RBM7: variants seen among roughly 807,000 people sequenced by gnomAD.
The protein encoded by RBM7 is RNA binding motif protein 7.
Under a neutral mutation model 31.0 loss-of-function variants are expected in RBM7, and 13 were observed. That is an observed-to-expected ratio of 0.42 (90% CI 0.27 to 0.67). The LOEUF (loss-of-function observed/expected upper bound fraction) is 0.67, where lower values mean the gene tolerates loss of function less well. Ranked by LOEUF, RBM7 falls within the 30% of genes least tolerant of loss-of-function variation. The pLI is 0.24. For synonymous variants in RBM7, 106 were observed against 111.2 expected, an observed-to-expected ratio of 0.95 and a Z score of 0.30; for missense variants, 245 against 326.2, an observed-to-expected ratio of 0.75 and a Z score of 1.92.
At chr11:114,403,654 T>A (rs750801925) in intron 3 of RBM7, among the ~76,000 whole-genome samples, 15 of 152,210 alleles carry the variant, frequency 9.9e-5, no homozygotes, top group Admixed American at 2.0e-4. Context: ...TCACCATATC[T>A]TTTACATATA....
chr11:114,404,233 G>T (rs1946237277), intron 3 of RBM7, among the ~76,000 whole-genome samples: 1 of 152,150 alleles, frequency 6.6e-6, no homozygotes, highest in Admixed American at 6.5e-5. Flanking sequence ...GAGCAGTGAG[G>T]AAGCTTTTGG....
rs1555025776 is a variant in RBM7, at chr11:114,405,839, A to G, written c.441+40A>G. 4 of 1,352,030 alleles carry G rather than the reference A, an allele frequency of 3.0e-6. No homozygotes were observed. The Admixed American group carries it at 8.6e-5, about 29-fold the overall frequency. The allele number at this position is 1,352,030 out of a possible 1,614,324, so 83.8% of individuals were successfully genotyped here. A position where few individuals can be genotyped will look rare whatever the true frequency, so the allele number is the denominator to read the frequency against. Reference sequence around the variant, plus strand: ...TTTCAACTTGAATTGCCAAAAAAAAATCATCCTTAGTTAAAATGTTCGCAT... The same window carrying G: ...TTTCAACTTGAATTGCCAAAAAAAAGTCATCCTTAGTTAAAATGTTCGCAT... On this transcript the variant is annotated intron_variant, in intron 4 of 4. Transcript: ENST00000375490.
Position 114,402,866 on chromosome 11 carries a change from C to A in RBM7, c.298C>A (p.Pro100Thr). Residue 100 changes from proline to threonine, a missense_variant, in exon 3 of 5, where the codon CCC (proline) becomes ACC (threonine). Pro to Thr is a conservative substitution (Grantham distance 38, BLOSUM62 -1). Transcript: ENST00000375490. ...HAPQDVSLSYPQHHVGNSSPT... is the reference protein window; with the variant it reads ...HAPQDVSLSYTQHHVGNSSPT... Reference sequence around the variant, plus strand: ...CCCACAAGATGTCAGTTTGTCATATCCCCAACATCATGTTGGAAATTCAAG... The same window carrying A: ...CCCACAAGATGTCAGTTTGTCATATACCCAACATCATGTTGGAAATTCAAG... 1 of 1,613,264 alleles carries A rather than the reference C, an allele frequency of 6.2e-7. No homozygotes were observed. The highest frequency in any genetic ancestry group is 8.5e-7 in the Non-Finnish European group (1 of 1,179,326).
intron 1 of RBM7, among the ~76,000 whole-genome samples, 192 bp downstream of exon 1, chr11:114,400,959 GAAA>G (rs1946191671): frequency 6.6e-6 from 1 of 152,112 alleles, no homozygotes; most frequent in Non-Finnish European, 1.5e-5. Flanking sequence ...CGTTTAGGCC[GAAA>G]GTGACGACTA....
chr11:114,405,655 A>G (rs1946256847), intron 3 of RBM7, 51 bp from the exon 4 acceptor site: 1 of 1,287,258 alleles, frequency 7.8e-7, no homozygotes, highest in African/African-American at 1.5e-5. Context: ...CATGGTTGTT[A>G]GTTAGTAAAT....
At chr11:114,401,556 A>C (rs1248108958) in intron 1 of RBM7, 142 bp from the exon 2 acceptor site, 9 of 707,440 alleles carry the variant, frequency 1.3e-5, no homozygotes, top group Non-Finnish European at 2.0e-5. Flanking sequence ...CTGTAGCCAA[A>C]ATGGAAATCC....
At position 114,409,648 on chromosome 11, in the gene RBM7, T is replaced by G. The variant is rs1946313273; in HGVS notation, c.*1841T>G. 1 of 152,234 alleles carries G rather than the reference T, an allele frequency of 6.6e-6. No homozygotes were observed. The highest frequency in any genetic ancestry group is 2.4e-5 in the African/African-American group (1 of 41,422). 9.4% of individuals were successfully genotyped at this position (152,234 alleles called of 1,614,324 possible). A position where few individuals can be genotyped will look rare whatever the true frequency, so the allele number is the denominator to read the frequency against. On this transcript the variant is annotated 3_prime_UTR_variant, in exon 5 of 5. Coordinates refer to ENST00000375490, the MANE Select transcript of RBM7 (RefSeq NM_001286045.2). ...CCTACCGAGGTGCTGGAATTACAGG[T>G]GTGAGCCACCGCGCCTGGCCTAATA...
At chr11:114,405,981 C>T in intron 4 of RBM7, 182 bp downstream of exon 4, 1 of 519,862 alleles carries the variant, frequency 1.9e-6, no homozygotes, top group Non-Finnish European at 3.4e-6. Context: ...GTTAGACTAG[C>T]ATGATTTGTA....
chr11:114,401,024 T>A (rs979425803), intron 1 of RBM7, among the ~76,000 whole-genome samples: 3 of 152,110 alleles, frequency 2.0e-5, no homozygotes, highest in East Asian at 1.9e-4. Flanking sequence ...GATCCAGGGG[T>A]CCTTGGGAAC....
chr11:114,409,630 A>T lies in RBM7; in HGVS notation c.*1823A>T, dbSNP rs1231278475. 3 of 152,234 alleles carry T rather than the reference A, an allele frequency of 2.0e-5. No homozygotes were observed. The highest frequency in any genetic ancestry group is 4.4e-5 in the Non-Finnish European group (3 of 68,138). 9.4% of individuals were successfully genotyped at this position (152,234 alleles called of 1,614,324 possible). A position where few individuals can be genotyped will look rare whatever the true frequency, so the allele number is the denominator to read the frequency against. On this transcript the variant is annotated 3_prime_UTR_variant, in exon 5 of 5. Coordinates refer to ENST00000375490, the MANE Select transcript of RBM7 (RefSeq NM_001286045.2). Reference sequence around the variant, plus strand: ...GTGATCCACCTACCTTGGCCTACCGAGGTGCTGGAATTACAGGTGTGAGCC... The same window carrying T: ...GTGATCCACCTACCTTGGCCTACCGTGGTGCTGGAATTACAGGTGTGAGCC...
Position 114,400,732 on chromosome 11 carries a change from G to C in RBM7, c.61G>C (p.Val21Leu). The C allele has an allele frequency of 1.2e-6, 2 of 1,614,250 alleles. No individual in the cohort carries two copies. The highest frequency in any genetic ancestry group is 1.7e-6 in the Non-Finnish European group (2 of 1,180,046). The change falls in exon 1 of 5, where the codon GTG (valine) becomes CTG (leucine). Residue 21 changes from valine (V) to leucine (L), a missense_variant. Coordinates refer to ENST00000375490, the MANE Select transcript of RBM7 (RefSeq NM_001286045.2). Reference sequence around the variant, plus strand: ...CTTTGTGGGCAACCTTGAAACGAAAGTGACCGAGGAGCTCCTTTTCGAGCT... The same window carrying C: ...CTTTGTGGGCAACCTTGAAACGAAACTGACCGAGGAGCTCCTTTTCGAGCT... The part of the protein sequence containing the change: ...TLFVGNLETK[V>L]TEELLFELFH...
Position 114,410,243 on chromosome 11 carries a change from A to G in RBM7, c.*2436A>G, listed in dbSNP as rs1256906536. The G allele has an allele frequency of 6.6e-6, 1 of 151,986 alleles. No homozygotes were observed. The highest frequency in any genetic ancestry group is 1.9e-4 in the East Asian group (1 of 5,192). The allele number at this position is 151,986 out of a possible 1,614,324, so 9.4% of individuals were successfully genotyped here. A position where few individuals can be genotyped will look rare whatever the true frequency, so the allele number is the denominator to read the frequency against. On this transcript the variant is annotated 3_prime_UTR_variant, in exon 5 of 5. Coordinates refer to ENST00000375490, the MANE Select transcript of RBM7 (RefSeq NM_001286045.2). ...TAAAGTCTTCTAAAAAAAAGAAAAA[A>G]AAAATCAAATGTTTGGAAGCCATTT... is the stretch of plus-strand genomic sequence containing the variant.
At position 114,405,790 on chromosome 11, in the gene RBM7, A is replaced by T; in HGVS notation, c.432A>T (p.Arg144Ser). ...RSFSSPENFQ[R>S]QAVMNSALRQ... ...TCTCTTCTCCAGAAAATTTTCAGAG[A>T]CAAGCAGTGGTAGGTTGACTATTTT... Residue 144 changes from arginine to serine, a missense_variant, in exon 4 of 5, where the codon AGA becomes AGT. Coordinates refer to ENST00000375490, the MANE Select transcript of RBM7 (RefSeq NM_001286045.2). 2.5e-6 allele frequency: 4 copies of T among 1,592,826 alleles called. No individual in the cohort carries two copies. The highest frequency in any genetic ancestry group is 3.4e-6 in the Non-Finnish European group (4 of 1,164,494).
chr11:114,404,987 G>A (rs1946247488), intron 3 of RBM7, among the ~76,000 whole-genome samples: 1 of 152,126 alleles, frequency 6.6e-6, no homozygotes, highest in Admixed American at 6.5e-5. Context: ...TCCTATGTAT[G>A]TTACAGAACT....
chr11:114,407,650 G>A lies in RBM7; in HGVS notation c.647G>A (p.Arg216Gln), dbSNP rs779238918. ...YPYLADRHYS[R>Q]EQRYTDHGSD... ...TACCTAGCAGATAGACATTATAGCCGGGAACAGCGTTACACTGATCATGGG... is the reference window on the plus strand; with the variant it reads ...TACCTAGCAGATAGACATTATAGCCAGGAACAGCGTTACACTGATCATGGG... The change falls in exon 5 of 5, where the codon CGG (arginine) becomes CAG (glutamine). Residue 216 changes from arginine (R) to glutamine (Q), a missense_variant. Coordinates refer to ENST00000375490, the MANE Select transcript of RBM7 (RefSeq NM_001286045.2). 31 of 1,613,902 alleles carry A rather than the reference G, an allele frequency of 1.9e-5. No individual in the cohort carries two copies. The highest frequency in any genetic ancestry group is 2.7e-5 in the African/African-American group (2 of 74,890).
intron 1 of RBM7, 125 bp from the exon 2 acceptor site, chr11:114,401,573 C>A: frequency 1.2e-6 from 1 of 802,082 alleles, no homozygotes; most frequent in Non-Finnish European, 1.8e-6. Context: ...ATCCGTGCAT[C>A]ATTTTCAAAA....
In RBM7 at chr11:114,409,702, C is replaced by A. The variant is rs1004947073; in HGVS notation, c.*1895C>A. 6.6e-6 allele frequency: 1 copy of A among 152,058 alleles called. No individual in the cohort carries two copies. The allele number at this position is 152,058 out of a possible 1,614,324, so 9.4% of individuals were successfully genotyped here. On this transcript the variant is annotated 3_prime_UTR_variant, in exon 5 of 5. Transcript: ENST00000375490. ...CTTTATTACAACGTTATCTGTGGGT[C>A]GGATCCTTTTATATTGGTTAACAGA...
chr11:114,409,208 T>C lies in RBM7; in HGVS notation c.*1401T>C, dbSNP rs1371512852. 4 of 152,200 alleles carry C rather than the reference T, an allele frequency of 2.6e-5. No individual in the cohort carries two copies. Among genetic ancestry groups the C allele is most frequent in the Non-Finnish European group, 4.4e-5 (3 of 68,032 alleles). The allele number at this position is 152,200 out of a possible 1,614,324, so 9.4% of individuals were successfully genotyped here. A position where few individuals can be genotyped will look rare whatever the true frequency, so the allele number is the denominator to read the frequency against. On this transcript the variant is annotated 3_prime_UTR_variant, in exon 5 of 5. Transcript: ENST00000375490. Reference sequence around the variant, plus strand: ...TTCAGTTTTTCTGTTTCTAAGTAAATGTAGCTATTCAACTACTCACTATAG... The same window carrying C: ...TTCAGTTTTTCTGTTTCTAAGTAAACGTAGCTATTCAACTACTCACTATAG...
Position 114,400,876 on chromosome 11 carries a change from CTGTT to C in RBM7, c.96+112_96+115del, listed in dbSNP as rs1946190063. 3.1e-6 allele frequency: 4 copies of C among 1,271,620 alleles called. No homozygotes were observed. The African/African-American group carries it at 6.0e-5, about 19-fold the overall frequency. 78.8% of individuals were successfully genotyped at this position (1,271,620 alleles called of 1,614,324 possible). ...AGCCGTCAGGGGACCCGACGGGTGGCTGTTTGGGGGTGAAAGGCGGGTCTGGGTT... is the reference window on the plus strand; with the variant it reads ...AGCCGTCAGGGGACCCGACGGGTGGCTGGGGGTGAAAGGCGGGTCTGGGTT... On this transcript the variant is annotated intron_variant, in intron 1 of 4. Coordinates refer to ENST00000375490, the MANE Select transcript of RBM7 (RefSeq NM_001286045.2).
Sources: allele counts gnomAD v4.1 joint callset (sites outside exome capture counted in the v4.1 genomes callset), GRCh38; gene constraint gnomAD v4.1.1; transcripts MANE v1.5; gene names NCBI Gene and HGNC (gene_info 2026-07-23, HGNC 2026-07-21).